Variants in CSMD3 observed in about 807,000 individuals in gnomAD.
The protein encoded by CSMD3 is CUB and sushi domain-containing protein 3.
Under a neutral mutation model 435.2 loss-of-function variants are expected in CSMD3, and 177 were observed. The ratio of observed to expected loss-of-function variants is 0.41; its 90% confidence interval spans 0.36 to 0.46. CSMD3 has a LOEUF of 0.46. Among genes scored for constraint, CSMD3 ranks in the 20% least tolerant of loss-of-function variants. The pLI, the probability that CSMD3 is intolerant of heterozygous loss-of-function variation, is 0.34. For synonymous variants in CSMD3, 1,656 were observed against 1,520.5 expected, an observed-to-expected ratio of 1.09 and a Z score of -2.07; for missense variants, 4,265 against 4,504.6, an observed-to-expected ratio of 0.95 and a Z score of 1.52.
At chr8:113,140,832 A>G (rs2091530749) in intron 4 of CSMD3, among the ~76,000 whole-genome samples, 1 of 151,078 alleles carries the variant, frequency 6.6e-6, no homozygotes, top group Non-Finnish European at 1.5e-5. Context: ...GATTAAATTC[A>G]CACCTCAACA....
intron 14 of CSMD3, 103 bp from the exon 15 acceptor site, chr8:112,685,835 GATA>G: frequency 1.2e-5 from 9 of 771,944 alleles, no homozygotes; most frequent in South Asian, 4.9e-5. Flanking sequence ...AGCAGTATAA[GATA>G]ATATTAAATT....
At chr8:112,511,365 A>G (rs1586561401) in intron 28 of CSMD3, among the ~76,000 whole-genome samples, 1 of 144,488 alleles carries the variant, frequency 6.9e-6, no homozygotes, top group South Asian at 2.2e-4. Flanking sequence ...AATCTGGGGT[A>G]GCTGTGGCAT....
chr8:112,542,729 C>A (rs768383686), intron 27 of CSMD3, among the ~76,000 whole-genome samples: 5 of 151,970 alleles, frequency 3.3e-5, no homozygotes, highest in African/African-American at 1.2e-4. Flanking sequence ...CTACTATTCA[C>A]ATGAAACCAA....
chr8:113,077,007 T>C (rs547472196), intron 5 of CSMD3, among the ~76,000 whole-genome samples: 1 of 152,248 alleles, frequency 6.6e-6, no homozygotes, highest in East Asian at 1.9e-4. Context: ...GCTGTGGCTA[T>C]AGAAGGGTAA....
intron 70 of CSMD3, among the ~76,000 whole-genome samples, chr8:112,225,518 G>A (rs567389936): frequency 2.0e-4 from 31 of 152,152 alleles, no homozygotes; most frequent in Middle Eastern, 6.8e-3. Flanking sequence ...TTTAGGAGAG[G>A]TAATAGAACA....
At chr8:112,899,353 T>C (rs1345045918) in intron 10 of CSMD3, among the ~76,000 whole-genome samples, 2 of 150,684 alleles carry the variant, frequency 1.3e-5, no homozygotes, top group African/African-American at 2.4e-5. Context: ...GAAATTATCA[T>C]ATTGGTCTAT....
At chr8:113,018,993 T>C (rs1376784439) in intron 6 of CSMD3, 74 bp downstream of exon 6, 2 of 979,818 alleles carry the variant, frequency 2.0e-6, no homozygotes, top group African/African-American at 1.6e-5. Context: ...GACATTTTTC[T>C]ATCACAAAAC....
intron 12 of CSMD3, among the ~76,000 whole-genome samples, chr8:112,805,812 C>G (rs971037040): frequency 9.9e-5 from 15 of 152,098 alleles, no homozygotes; most frequent in African/African-American, 3.4e-4. Context: ...CAAGGATTTC[C>G]TGACTCTCCT....
intron 11 of CSMD3, among the ~76,000 whole-genome samples, chr8:112,854,331 T>A (rs2080585056): frequency 6.6e-6 from 1 of 152,164 alleles, no homozygotes; most frequent in African/African-American, 2.4e-5. Context: ...CAGTAAAAAA[T>A]TCATATGCAA....
At chr8:112,851,278 T>A (rs1239201482) in intron 11 of CSMD3, among the ~76,000 whole-genome samples, 1 of 152,108 alleles carries the variant, frequency 6.6e-6, no homozygotes, top group Non-Finnish European at 1.5e-5. Context: ...GGCAGAAAGG[T>A]AGTTTTTTGG....
intron 32 of CSMD3, among the ~76,000 whole-genome samples, chr8:112,447,278 T>C (rs965667846): frequency 3.3e-5 from 5 of 152,144 alleles, no homozygotes; most frequent in Admixed American, 6.5e-5. Flanking sequence ...AGTTTATACA[T>C]GTAAGAAAAA....
chr8:113,242,480 A>G (rs1432454895), intron 3 of CSMD3, among the ~76,000 whole-genome samples: 1 of 151,992 alleles, frequency 6.6e-6, no homozygotes, highest in Non-Finnish European at 1.5e-5. Flanking sequence ...AGAATGACTA[A>G]AGTTCACCAA....
At chr8:113,043,339 T>A (rs1316119604) in intron 5 of CSMD3, among the ~76,000 whole-genome samples, 1 of 152,188 alleles carries the variant, frequency 6.6e-6, no homozygotes, top group Admixed American at 6.5e-5. Context: ...TTTTATTCTT[T>A]TTGTAGAATG....
intron 4 of CSMD3, among the ~76,000 whole-genome samples, chr8:113,112,909 T>C (rs2090706701): frequency 6.6e-6 from 1 of 152,204 alleles, no homozygotes; most frequent in Non-Finnish European, 1.5e-5. Flanking sequence ...CCTTTTAACA[T>C]GATCAAAACT....
chr8:113,337,609 G>A (rs570218221), intron 1 of CSMD3, among the ~76,000 whole-genome samples: 2 of 152,042 alleles, frequency 1.3e-5, no homozygotes, highest in African/African-American at 4.8e-5. Flanking sequence ...AAGCACAAGA[G>A]AAAATTTAAA....
At chr8:112,494,609 C>T (rs796367731) in intron 30 of CSMD3, among the ~76,000 whole-genome samples, 2 of 149,988 alleles carry the variant, frequency 1.3e-5, no homozygotes, top group Non-Finnish European at 3.0e-5. Flanking sequence ...TAAAGGCTCA[C>T]TACCCTGCTA....
At chr8:112,552,793 T>C (rs1827802095) in intron 25 of CSMD3, 73 bp from the exon 26 acceptor site, 1 of 1,365,888 alleles carries the variant, frequency 7.3e-7, no homozygotes. Flanking sequence ...AAATTTCTCA[T>C]GAGTAGACAA....
intron 38 of CSMD3, among the ~76,000 whole-genome samples, chr8:112,366,935 A>C (rs1827838922): frequency 6.6e-6 from 1 of 152,052 alleles, no homozygotes; most frequent in South Asian, 2.1e-4. Flanking sequence ...CATATTTTTA[A>C]ATTTATATTT....
At chr8:113,020,826 G>A (rs538046187) in intron 5 of CSMD3, among the ~76,000 whole-genome samples, 4 of 152,150 alleles carry the variant, frequency 2.6e-5, no homozygotes, top group African/African-American at 4.8e-5. Flanking sequence ...AGTAGAAGGA[G>A]GATGGAAAAT....
Sources: gnomAD v4.1 joint callset for allele counts (sites outside exome capture counted in the v4.1 genomes callset) on GRCh38, gnomAD v4.1.1 for gene constraint, MANE v1.5 for transcripts, NCBI Gene and HGNC (gene_info 2026-07-23, HGNC 2026-07-21) for gene names.